The following EPB41L3 variants were observed in gnomAD, a reference collection of about 807,000 sequenced individuals.
The protein encoded by EPB41L3 is erythrocyte membrane protein band 4.1 like 3.
A neutral mutation model predicts 127.1 loss-of-function variants in EPB41L3; 57 were observed. The observed-to-expected ratio is 0.45, with a 90% CI of 0.36 to 0.56. The LOEUF is 0.56. Ranked by LOEUF, EPB41L3 falls within the 20% of genes least tolerant of loss-of-function variation. EPB41L3 has a pLI of 0.00. For missense variants in EPB41L3, 1,273 were observed against 1,372.2 expected (o/e 0.93, Z 1.14); for synonymous variants, 572 against 549.5 (o/e 1.04, Z -0.57).
At chr18:5,602,286 C>A (rs1255649048) in intron 3 of EPB41L3, among the ~76,000 whole-genome samples, 1 of 152,148 alleles carries the variant, frequency 6.6e-6, no homozygotes, top group Non-Finnish European at 1.5e-5. Flanking sequence ...ATCCCTCCTG[C>A]CAGTATTAAT....
upstream of EPB41L3, among the ~76,000 whole-genome samples, chr18:5,630,169 T>A (rs554854212): frequency 6.6e-6 from 1 of 152,132 alleles, no homozygotes; most frequent in African/African-American, 2.4e-5. Flanking sequence ...TGCTCGTCCC[T>A]AGTCTCCAGG....
At chr18:5,411,890 G>A (rs1001196869) in intron 13 of EPB41L3, among the ~76,000 whole-genome samples, 4 of 152,170 alleles carry the variant, frequency 2.6e-5, no homozygotes, top group Non-Finnish European at 5.9e-5. Context: ...CTCAGCACAT[G>A]TACCTGAGGA....
upstream of EPB41L3, among the ~76,000 whole-genome samples, chr18:5,545,642 C>G (rs190168453): frequency 1.3e-5 from 2 of 152,120 alleles, no homozygotes; most frequent in African/African-American, 4.8e-5. Flanking sequence ...AATCTTATGG[C>G]TCTGCAAAGA....
intron 3 of EPB41L3, among the ~76,000 whole-genome samples, chr18:5,574,683 C>T (rs904687421): frequency 3.3e-5 from 5 of 152,090 alleles, no homozygotes; most frequent in Admixed American, 6.6e-5. Context: ...AAGTCCTGGG[C>T]CCTGAGTCTC....
intron 3 of EPB41L3, among the ~76,000 whole-genome samples, chr18:5,561,013 T>C (rs140506433): frequency 0.12 from 16,366 of 132,246 alleles, 2,112 homozygotes; most frequent in Non-Finnish European, 0.19. Flanking sequence ...AGTCTCGCTC[T>C]GTCGCCCAGG....
intron 8 of EPB41L3, among the ~76,000 whole-genome samples, chr18:5,433,060 A>G (rs2079213987): frequency 6.6e-6 from 1 of 152,218 alleles, no homozygotes; most frequent in South Asian, 2.1e-4. Context: ...AGAGACGGAC[A>G]TAGTCAGGGA....
intron 8 of EPB41L3, among the ~76,000 whole-genome samples, chr18:5,432,069 C>T (rs1470340699): frequency 1.3e-5 from 2 of 152,154 alleles, no homozygotes; most frequent in African/African-American, 2.4e-5. Context: ...AGAGCTCATC[C>T]TGCATGACGT....
At position 5,423,543 on chromosome 18, in the gene EPB41L3, G is replaced by C. The variant is rs758014675; in HGVS notation, c.1174C>G (p.Pro392Ala). Residue 392 changes from proline to alanine, a missense_variant, in exon 11 of 23, where the codon CCA (proline) becomes GCA (alanine). By Grantham distance (27) the Pro-to-Ala change is conservative. Around this residue, in one of 3 missense-constraint regions of EPB41L3, gnomAD observed 326 missense variants for 440.2 expected, o/e 0.74. Transcript: ENST00000341928. ...AGGAATTTCTTGGGAGGTGCTTCTG[G>C]TAACAGTAGTCTAAAGAGAATAAAG... The part of the protein sequence containing the change: ...EHHTFFRLLL[P>A]EAPPKKFLTL... The C allele has an allele frequency of 1.2e-6, 2 of 1,611,638 alleles. No homozygotes were observed. The highest frequency in any genetic ancestry group is 1.7e-6 in the Non-Finnish European group (2 of 1,178,348).
chr18:5,507,440 A>G (rs530675026), intron 1 of EPB41L3, among the ~76,000 whole-genome samples: 35 of 150,710 alleles, frequency 2.3e-4, no homozygotes, highest in African/African-American at 7.8e-4. Context: ...ACTGTTGCCA[A>G]TTGGTATCAG....
At chr18:5,546,697 TC>T (rs2093886693), upstream of EPB41L3, among the ~76,000 whole-genome samples, 7 of 152,112 alleles carry the variant, frequency 4.6e-5, no homozygotes, top group Admixed American at 4.6e-4. Context: ...ATTATTTTTT[TC>T]CCCCTAGCAC....
chr18:5,405,743 T>C (rs2075269144), intron 16 of EPB41L3, among the ~76,000 whole-genome samples: 1 of 150,940 alleles, frequency 6.6e-6, no homozygotes, highest in African/African-American at 2.4e-5. Flanking sequence ...ACCACTGCAC[T>C]TCAGCATGGG....
At chr18:5,494,586 G>A (rs1396869492) in intron 1 of EPB41L3, among the ~76,000 whole-genome samples, 1 of 152,038 alleles carries the variant, frequency 6.6e-6, no homozygotes, top group African/African-American at 2.4e-5. Context: ...GAACCGGGGA[G>A]GCAGAGGTTG....
intron 3 of EPB41L3, among the ~76,000 whole-genome samples, chr18:5,609,232 T>G (rs544392406): frequency 6.6e-6 from 1 of 152,338 alleles, no homozygotes; most frequent in East Asian, 1.9e-4. Flanking sequence ...ACTTATTTCT[T>G]TTTTTAAATC....
At chr18:5,606,500 T>C (rs1242862111) in intron 3 of EPB41L3, among the ~76,000 whole-genome samples, 1 of 152,120 alleles carries the variant, frequency 6.6e-6, no homozygotes, top group African/African-American at 2.4e-5. Context: ...CTTATTATTA[T>C]TGAAATAAAG....
intron 2 of EPB41L3, chr18:5,479,694 G>T (rs973072116): frequency 6.6e-6 from 1 of 151,128 alleles, no homozygotes; most frequent in Non-Finnish European, 1.5e-5. Flanking sequence ...CTTATGAAAA[G>T]AAAGCAACAA....
intron 1 of EPB41L3, among the ~76,000 whole-genome samples, chr18:5,530,445 C>G (rs948309): frequency 6.6e-6 from 1 of 151,862 alleles, no homozygotes. Flanking sequence ...CATCTGACCA[C>G]GTCTTCCAAC....
chr18:5,427,572 T>C (rs2078369090), intron 9 of EPB41L3, among the ~76,000 whole-genome samples: 1 of 152,212 alleles, frequency 6.6e-6, no homozygotes, highest in South Asian at 2.1e-4. Context: ...ACACTAATTG[T>C]CCTTTGTTCT....
intron 5 of EPB41L3, among the ~76,000 whole-genome samples, chr18:5,439,038 C>T (rs940954044): frequency 3.9e-5 from 6 of 152,082 alleles, no homozygotes; most frequent in Non-Finnish European, 7.4e-5. Context: ...TCTGTTCTTC[C>T]GGCCTTCAAA....
intron 2 of EPB41L3, chr18:5,480,252 A>G (rs1285224734): frequency 6.6e-6 from 1 of 152,186 alleles, no homozygotes; most frequent in African/African-American, 2.4e-5. Context: ...CATGAACCCA[A>G]CACTAAGGCC....
Sources: allele counts gnomAD v4.1 joint callset (sites outside exome capture counted in the v4.1 genomes callset), GRCh38; gene constraint gnomAD v4.1.1; regional missense constraint gnomAD v4.1.1; transcripts MANE v1.5; gene names NCBI Gene and HGNC (gene_info 2026-07-23, HGNC 2026-07-21).